MANBA: variants seen among roughly 807,000 people sequenced by gnomAD.
MANBA encodes mannosidase beta.
Under a neutral mutation model 111.1 loss-of-function variants are expected in MANBA, and 83 were observed. The observed-to-expected ratio is 0.75, with a 90% confidence interval of 0.63 to 0.90. The LOEUF is 0.90. Among genes scored for constraint, MANBA ranks in the 40% least tolerant of loss-of-function variants. The pLI is 0.00. For synonymous variants in MANBA, 370 were observed against 378.7 expected, an observed-to-expected ratio of 0.98 and a Z score of 0.27; for missense variants, 1,036 against 1,069.0, an observed-to-expected ratio of 0.97 and a Z score of 0.43.
intron 6 of MANBA, among the ~76,000 whole-genome samples, 180 bp downstream of exon 6, chr4:102,690,416 A>G (rs1732419645): frequency 6.6e-6 from 1 of 152,198 alleles, no homozygotes; most frequent in African/African-American, 2.4e-5. Context: ...AAGTTTGGGA[A>G]AATCATTCTT....
At chr4:102,708,315 C>T (rs2110266297) in intron 5 of MANBA, among the ~76,000 whole-genome samples, 1 of 152,142 alleles carries the variant, frequency 6.6e-6, no homozygotes, top group East Asian at 1.9e-4. Flanking sequence ...TTTCAGACCA[C>T]AACGGAATAA....
At chr4:102,752,574 G>A in intron 1 of MANBA, 1 of 657,790 alleles carries the variant, frequency 1.5e-6, no homozygotes, top group Non-Finnish European at 2.9e-6. Flanking sequence ...CTACTTTTCA[G>A]TGGACAAGCA....
chr4:102,679,306 T>C (rs1252377782), intron 7 of MANBA, among the ~76,000 whole-genome samples: 1 of 152,068 alleles, frequency 6.6e-6, no homozygotes, highest in African/African-American at 2.4e-5. Context: ...CCAGATAGGA[T>C]CACTTTTTAA....
chr4:102,659,832 C>G (rs1730844404), intron 11 of MANBA, among the ~76,000 whole-genome samples: 1 of 152,176 alleles, frequency 6.6e-6, no homozygotes, highest in African/African-American at 2.4e-5. Flanking sequence ...TTCTGAAGCT[C>G]TCTCCACTCC....
chr4:102,689,372 ATATATATGTG>A (rs1560775117), intron 7 of MANBA, among the ~76,000 whole-genome samples, 192 bp downstream of exon 7: 2 of 92,646 alleles, frequency 2.2e-5, no homozygotes, highest in East Asian at 4.9e-4. Flanking sequence ...ATATATATAT[ATATATATGTG>A]TGTGTGTATA....
At chr4:102,711,323 C>T (rs1212662220) in intron 5 of MANBA, among the ~76,000 whole-genome samples, 2 of 152,144 alleles carry the variant, frequency 1.3e-5, no homozygotes, top group African/African-American at 4.8e-5. Context: ...AGACATTTCT[C>T]TAAAGAAGAC....
intron 5 of MANBA, among the ~76,000 whole-genome samples, chr4:102,706,608 C>A (rs775947568): frequency 6.6e-6 from 1 of 151,180 alleles, no homozygotes; most frequent in Non-Finnish European, 1.5e-5. Flanking sequence ...CAACAGATTC[C>A]AATAAAATGT....
At chr4:102,667,412 G>T (rs529000443) in intron 10 of MANBA, 1 of 152,204 alleles carries the variant, frequency 6.6e-6, no homozygotes, top group Admixed American at 6.5e-5. Context: ...CCAGATGGAT[G>T]TGGGAGGTGA....
At chr4:102,711,136 A>C (rs1449801906) in intron 5 of MANBA, among the ~76,000 whole-genome samples, 1 of 152,182 alleles carries the variant, frequency 6.6e-6, no homozygotes, top group Non-Finnish European at 1.5e-5. Context: ...TTAAACTAAA[A>C]AGCTTCTTCA....
At chr4:102,741,231 C>T (rs1723391844) in intron 1 of MANBA, among the ~76,000 whole-genome samples, 1 of 151,836 alleles carries the variant, frequency 6.6e-6, no homozygotes, top group Non-Finnish European at 1.5e-5. Context: ...GAAATCAAAA[C>T]CACAATGAGA....
At chr4:102,747,367 T>C (rs779750505) in intron 1 of MANBA, among the ~76,000 whole-genome samples, 10 of 152,186 alleles carry the variant, frequency 6.6e-5, no homozygotes, top group African/African-American at 9.7e-5. Context: ...AGTCTTTTCA[T>C]GTTCTTCTGC....
chr4:102,756,686 A>T (rs1005312968), intron 1 of MANBA, among the ~76,000 whole-genome samples: 2 of 151,260 alleles, frequency 1.3e-5, no homozygotes, highest in Non-Finnish European at 2.9e-5. Flanking sequence ...TGTTGGGGGC[A>T]TTAGTCACAT....
chr4:102,727,379 T>C lies in MANBA; in HGVS notation c.178-696A>G, dbSNP rs1328217198. 3.8e-5 allele frequency: 31 copies of C among 811,608 alleles called. No homozygotes were observed. In the East Asian group the frequency reaches 7.6e-4, roughly 20 times the overall value. The allele number at this position is 811,608 out of a possible 1,614,324, so 50.3% of individuals were successfully genotyped here. On this transcript the variant is annotated intron_variant, in intron 1 of 16. Transcript: ENST00000647097. ...ATTCTGCCTTGGACATCTTTACTTC[T>C]TGCTGCTCACTGATGAATCAGGAGG...
intron 4 of MANBA, among the ~76,000 whole-genome samples, chr4:102,720,108 A>G (rs1722505247): frequency 6.6e-6 from 1 of 152,160 alleles, no homozygotes; most frequent in African/African-American, 2.4e-5. Flanking sequence ...TCACATTAGG[A>G]TCCAGGATAG....
At chr4:102,730,305 A>G (rs1722985215) in intron 1 of MANBA, 2 of 549,562 alleles carry the variant, frequency 3.6e-6, no homozygotes, top group South Asian at 2.4e-5. Flanking sequence ...ACAAGAGGGT[A>G]TAACTTAGAT....
intron 11 of MANBA, among the ~76,000 whole-genome samples, chr4:102,660,772 TA>T (rs1044794585): frequency 1.1e-4 from 17 of 148,440 alleles, no homozygotes; most frequent in Non-Finnish European, 2.4e-4. Context: ...AATATATTAA[TA>T]TATAATAATA....
intron 4 of MANBA, among the ~76,000 whole-genome samples, chr4:102,715,691 A>G (rs1473546500): frequency 1.3e-5 from 2 of 152,002 alleles, no homozygotes; most frequent in Non-Finnish European, 2.9e-5. Flanking sequence ...GTTCCCCTCT[A>G]TGTGTCCATG....
At chr4:102,751,946 C>T (rs531501513) in intron 1 of MANBA, 6 of 682,730 alleles carry the variant, frequency 8.8e-6, no homozygotes, top group Admixed American at 3.6e-5. Context: ...AAAGCCCGAC[C>T]GTGCTGCAGA....
chr4:102,662,340 G>A (rs568760274), intron 11 of MANBA, among the ~76,000 whole-genome samples: 66 of 152,180 alleles, frequency 4.3e-4, no homozygotes, highest in Non-Finnish European at 3.2e-4. Context: ...AGGAGATTGA[G>A]ACCATTCTGG....
Sources: allele counts gnomAD v4.1 joint callset (sites outside exome capture counted in the v4.1 genomes callset), GRCh38; gene constraint gnomAD v4.1.1; transcripts MANE v1.5; gene names NCBI Gene and HGNC (gene_info 2026-07-23, HGNC 2026-07-21).